Variants in CYP24A1 observed in about 807,000 individuals in gnomAD.
CYP24A1 encodes the protein cytochrome P450 family 24 subfamily A member 1.
In CYP24A1, 68 loss-of-function variants were observed where a neutral mutation model predicts 62.4. The observed-to-expected ratio is 1.09, with a 90% CI of 0.90 to 1.33. The LOEUF (loss-of-function observed/expected upper bound fraction) is 1.33. Ranked by LOEUF, CYP24A1 falls within the 40% of genes most tolerant of loss-of-function variation. The probability of loss-of-function intolerance (pLI) is 0.00; values close to 1 mark genes in which losing one functional copy is unlikely to be tolerated. For synonymous variants in CYP24A1, 267 were observed against 253.0 expected, an observed-to-expected ratio of 1.06 and a Z score of -0.52; for missense variants, 787 against 653.0, an observed-to-expected ratio of 1.21 and a Z score of -2.24.
chr20:54,153,995 T>G lies in CYP24A1; in HGVS notation c.*777A>C, dbSNP rs902291865. 1.3e-5 allele frequency: 2 copies of G among 152,036 alleles called. No individual in the cohort carries two copies. Among genetic ancestry groups the G allele is most frequent in the African/African-American group, 2.4e-5 (1 of 41,360 alleles). The allele number at this position is 152,036 out of a possible 1,614,324, so 9.4% of individuals were successfully genotyped here. ...CCTGCACCACAGATCCTAAATCAAGTACTGCAAATATTAAAAAAATGACTG... is the reference window on the plus strand; with the variant it reads ...CCTGCACCACAGATCCTAAATCAAGGACTGCAAATATTAAAAAAATGACTG... On this transcript the variant is annotated 3_prime_UTR_variant, in exon 12 of 12. Coordinates refer to ENST00000216862, the MANE Select transcript of CYP24A1 (RefSeq NM_000782.5).
At position 54,165,791 on chromosome 20, in the gene CYP24A1, TG is replaced by T; in HGVS notation, c.682del (p.Gln228ArgfsTer9). On this transcript the variant is annotated frameshift_variant, in exon 5 of 12. Coordinates refer to ENST00000216862, the MANE Select transcript of CYP24A1 (RefSeq NM_000782.5). LOFTEE classifies it high-confidence loss of function. ...VLYEKRFGLL[Q>X]KNAGDEAVNF... Reference sequence around the variant, plus strand: ...CACAGCTTCATCCCCTGCATTCTTCTGGAGAAGCCCAAATCTCTTCTCATAC... The same window carrying T: ...CACAGCTTCATCCCCTGCATTCTTCTGAGAAGCCCAAATCTCTTCTCATAC... 6.5e-7 allele frequency: 1 copy of T among 1,537,726 alleles called. No homozygotes were observed. Among genetic ancestry groups the T allele is most frequent in the Non-Finnish European group, 9.0e-7 (1 of 1,110,062 alleles).
intron 11 of CYP24A1, 59 bp downstream of exon 11, chr20:54,157,110 G>A (rs531434076): frequency 7.0e-6 from 6 of 854,104 alleles, no homozygotes; most frequent in Non-Finnish European, 1.2e-5. Flanking sequence ...TCCCAGCATA[G>A]CTCATCCCTC....
At chr20:54,171,433 G>C (rs1007632062) in intron 3 of CYP24A1, 144 bp downstream of exon 3, 2 of 1,513,652 alleles carry the variant, frequency 1.3e-6, no homozygotes, top group East Asian at 4.6e-5. Flanking sequence ...CTGTAGGAAG[G>C]AATGGAGAGA....
the CYP24A1 span, among the ~76,000 whole-genome samples, chr20:54,147,956 C>T: frequency 6.6e-6 from 1 of 152,110 alleles, no homozygotes. Flanking sequence ...GCCTCAGCCT[C>T]CCGAGTAGCT....
rs1391634837 is a variant in CYP24A1, at chr20:54,168,982, C to T, written c.640+610G>A. Among the ~76,000 whole-genome samples the T allele has an allele frequency of 3.3e-5, 5 of 151,912 alleles. No homozygotes were observed. In the South Asian group the frequency reaches 1.0e-3, roughly 32 times the overall value. On this transcript the variant is annotated intron_variant, in intron 4 of 11. Coordinates refer to ENST00000216862, the MANE Select transcript of CYP24A1 (RefSeq NM_000782.5). ...GTACAATCACGGCTCACTTTAGCTTCAGCGTCCCGGGGTCAAGCAATCCTC... is the reference window on the plus strand; with the variant it reads ...GTACAATCACGGCTCACTTTAGCTTTAGCGTCCCGGGGTCAAGCAATCCTC...
chr20:54,161,370 C>G (rs1375630871), intron 7 of CYP24A1, among the ~76,000 whole-genome samples: 1 of 152,114 alleles, frequency 6.6e-6, no homozygotes, highest in Non-Finnish European at 1.5e-5. Flanking sequence ...TGATGGCGTC[C>G]TCCACAATCC....
At position 54,158,958 on chromosome 20, in the gene CYP24A1, T is replaced by A; in HGVS notation, c.1156A>T (p.Arg386Trp). The A allele has an allele frequency of 6.2e-7, 1 of 1,614,188 alleles. No homozygotes were observed. Among genetic ancestry groups the A allele is most frequent in the Non-Finnish European group, 8.5e-7 (1 of 1,180,026 alleles). ...ATTGGCTCAGAGATAGGCTCTTACC[T>A]CATAGATTCTTTCAGACAGGCTTTT... ...YLKACLKESM[R>W]LTPSVPFTTR... is the part of the protein sequence containing the mutation. Residue 386 changes from arginine to tryptophan, a missense_variant and splice_region_variant, in exon 8 of 12, where the codon AGG becomes TGG. Arg to Trp is a moderately radical substitution (Grantham distance 101). Transcript: ENST00000216862.
At position 54,173,035 on chromosome 20, in the gene CYP24A1, T is replaced by C. The variant is rs776150853; in HGVS notation, c.323A>G (p.His108Arg). 8 of 1,609,578 alleles carry C rather than the reference T, an allele frequency of 5.0e-6. No homozygotes were observed. In the Admixed American group the frequency reaches 8.3e-5, roughly 17 times the overall value. The change falls in exon 2 of 12, where the codon CAC becomes CGC. Residue 108 changes from histidine to arginine, a missense_variant. His to Arg is a conservative substitution (Grantham distance 29). Coordinates refer to ENST00000216862, the MANE Select transcript of CYP24A1 (RefSeq NM_000782.5). The surrounding 1 kb of genome is among the most constrained non-coding windows in gnomAD (Gnocchi z 7.2). ...TTCCAGCAGGCATGGCGAGCCCAGG[T>C]GCACCGACTCAAAGGAACCCAACTT... ...RMKLGSFESV[H>R]LGSPCLLEAL...
chr20:54,148,552 G>C (rs547934218), downstream of CYP24A1, among the ~76,000 whole-genome samples: 2 of 152,146 alleles, frequency 1.3e-5, no homozygotes, highest in South Asian at 2.1e-4. Flanking sequence ...ATGATTCCAC[G>C]GTGGGGCAGG....
intron 9 of CYP24A1, 33 bp from the exon 10 acceptor site, chr20:54,157,618 A>G (rs2092634130): frequency 1.5e-6 from 2 of 1,300,838 alleles, no homozygotes; most frequent in Non-Finnish European, 2.2e-6. Context: ...AGTATTTAAA[A>G]TAACCAGAAG....
intron 11 of CYP24A1, among the ~76,000 whole-genome samples, chr20:54,156,103 G>T (rs1335953899): frequency 6.6e-6 from 1 of 152,102 alleles, no homozygotes; most frequent in Non-Finnish European, 1.5e-5. Context: ...ATTACATGTG[G>T]TTGCATAACA....
chr20:54,160,023 G>A (rs993277586), intron 7 of CYP24A1, among the ~76,000 whole-genome samples: 3 of 152,190 alleles, frequency 2.0e-5, no homozygotes, highest in Admixed American at 6.5e-5. Flanking sequence ...TTAAGAGAAT[G>A]TTATAGTGGA....
intron 6 of CYP24A1, among the ~76,000 whole-genome samples, 188 bp from the exon 7 acceptor site, chr20:54,163,050 C>T (rs988249881): frequency 3.9e-5 from 6 of 152,144 alleles, no homozygotes; most frequent in South Asian, 2.1e-4. Context: ...TTTTCAATAC[C>T]GACATGAGCA....
downstream of CYP24A1, among the ~76,000 whole-genome samples, chr20:54,151,843 G>A (rs1414115032): frequency 6.6e-6 from 1 of 152,168 alleles, no homozygotes; most frequent in African/African-American, 2.4e-5. Context: ...GTGATTCTAA[G>A]GAGATTACTG....
chr20:54,144,200 C>A, the CYP24A1 span, among the ~76,000 whole-genome samples: 3 of 147,850 alleles, frequency 2.0e-5, no homozygotes, highest in African/African-American at 5.1e-5. Context: ...TCTTAAAATT[C>A]TTTTTCTCTT....
intron 11 of CYP24A1, among the ~76,000 whole-genome samples, chr20:54,156,086 C>G (rs954734761): frequency 1.3e-5 from 2 of 152,096 alleles, no homozygotes; most frequent in Non-Finnish European, 2.9e-5. Flanking sequence ...TAAATATATA[C>G]ATTTATATTA....
chr20:54,168,302 C>T (rs1029729664), intron 4 of CYP24A1, among the ~76,000 whole-genome samples: 6 of 152,206 alleles, frequency 3.9e-5, no homozygotes, highest in Non-Finnish European at 4.4e-5. Context: ...CCAGAGTAAT[C>T]TTTGAAGAAA....
the CYP24A1 span, among the ~76,000 whole-genome samples, chr20:54,143,874 T>C: frequency 4.6e-5 from 7 of 152,272 alleles, no homozygotes; most frequent in South Asian, 4.1e-4. Flanking sequence ...TCTACAATTA[T>C]AGATGTTTTA....
At chr20:54,156,439 T>G (rs1346500609) in intron 11 of CYP24A1, among the ~76,000 whole-genome samples, 2 of 152,142 alleles carry the variant, frequency 1.3e-5, no homozygotes, top group Admixed American at 1.3e-4. Flanking sequence ...AGCCAAGGAA[T>G]ATGGGAAATC....
Sources: gnomAD v4.1 joint callset for allele counts (sites outside exome capture counted in the v4.1 genomes callset) on GRCh38, gnomAD v4.1.1 for gene constraint, Gnocchi (gnomAD v3.1) non-coding constraint, MANE v1.5 for transcripts, NCBI Gene and HGNC (gene_info 2026-07-23, HGNC 2026-07-21) for gene names.